NPFFR2: variants seen among roughly 807,000 people sequenced by gnomAD.
NPFFR2 encodes G-protein coupled receptor 74.
NPFFR2 carries 15 observed loss-of-function variants against 13.1 expected under a neutral mutation model. The ratio of observed to expected loss-of-function variants is 1.15; its 90% CI spans 0.77 to 1.76. The LOEUF is 1.76. NPFFR2 is among the 40% of genes most tolerant of loss of function. NPFFR2 has a pLI of 0.00. For missense variants in NPFFR2, 572 were observed against 503.5 expected (o/e 1.14, Z -1.30); for synonymous variants, 190 against 175.7 (o/e 1.08, Z -0.65).
intron 1 of NPFFR2, among the ~76,000 whole-genome samples, chr4:72,095,951 G>A (rs539193225): frequency 3.2e-4 from 48 of 152,252 alleles, no homozygotes; most frequent in African/African-American, 1.1e-3. Context: ...ATTTCTACCT[G>A]ATGTCTAGTG....
intron 1 of NPFFR2, among the ~76,000 whole-genome samples, 193 bp downstream of exon 1, chr4:72,032,393 G>A (rs1366251013): frequency 6.6e-6 from 1 of 152,208 alleles, no homozygotes; most frequent in East Asian, 1.9e-4. Flanking sequence ...TGCCCTGGAT[G>A]TCTGCACCAC....
Position 72,126,190 on chromosome 4 carries a change from C to T in NPFFR2, c.-7-2395C>T, listed in dbSNP as rs11940192. ...AACGTTATCTTGGATCATTTAACTACGGTAGAATCTGCCCAGTTTTTTCAC... is the reference window on the plus strand; with the variant it reads ...AACGTTATCTTGGATCATTTAACTATGGTAGAATCTGCCCAGTTTTTTCAC... On this transcript the variant is annotated intron_variant, in intron 1 of 3. Coordinates refer to ENST00000308744, the MANE Select transcript of NPFFR2 (RefSeq NM_004885.3). Among the ~76,000 whole-genome samples the T allele has an allele frequency of 9.5e-3, 1,448 of 152,230 alleles. 29 individuals are homozygous for T. The highest frequency in any genetic ancestry group is 0.033 in the African/African-American group (1,388 of 41,518).
intron 2 of NPFFR2, among the ~76,000 whole-genome samples, chr4:72,131,958 G>T (rs1046364427): frequency 7.2e-5 from 9 of 125,600 alleles, no homozygotes; most frequent in African/African-American, 2.8e-4. Context: ...AAAAAAGAGG[G>T]TGTACAAATT....
chr4:72,042,619 T>G (rs2109756733), intron 1 of NPFFR2, among the ~76,000 whole-genome samples: 1 of 152,252 alleles, frequency 6.6e-6, no homozygotes, highest in South Asian at 2.1e-4. Flanking sequence ...GATGAGGAAC[T>G]TGTTGGGAAC....
chr4:72,057,407 G>A (rs543687230), intron 1 of NPFFR2, among the ~76,000 whole-genome samples: 9 of 152,046 alleles, frequency 5.9e-5, no homozygotes, highest in Non-Finnish European at 7.4e-5. Flanking sequence ...AAAGATCTCC[G>A]AGAAAATTCT....
intron 1 of NPFFR2, among the ~76,000 whole-genome samples, chr4:72,063,387 G>T (rs1719975678): frequency 6.6e-6 from 1 of 152,122 alleles, no homozygotes; most frequent in Non-Finnish European, 1.5e-5. Flanking sequence ...AAGCAAACAA[G>T]GTAATTTGAA....
At chr4:72,116,048 A>G (rs944158075) in intron 1 of NPFFR2, among the ~76,000 whole-genome samples, 2 of 152,168 alleles carry the variant, frequency 1.3e-5, no homozygotes, top group Non-Finnish European at 2.9e-5. Flanking sequence ...TAAAATAAGA[A>G]TGAAAGGATG....
At chr4:72,145,927 CAAT>C (rs1384529231) in intron 3 of NPFFR2, among the ~76,000 whole-genome samples, 2 of 151,984 alleles carry the variant, frequency 1.3e-5, no homozygotes, top group Non-Finnish European at 2.9e-5. Context: ...TAATGAAATT[CAAT>C]AATAATAACA....
chr4:72,088,402 AATT>A (rs767950870), intron 1 of NPFFR2, among the ~76,000 whole-genome samples: 51 of 152,170 alleles, frequency 3.4e-4, no homozygotes, highest in Non-Finnish European at 5.3e-4. Context: ...ATTTTAAAAA[AATT>A]ATTCAAAGTA....
chr4:72,081,315 C>T (rs1375372396), intron 1 of NPFFR2, among the ~76,000 whole-genome samples: 2 of 152,116 alleles, frequency 1.3e-5, no homozygotes, highest in Non-Finnish European at 2.9e-5. Context: ...GGCCTGCAAA[C>T]CCAAAATATT....
chr4:72,058,750 C>T (rs1719835299), intron 1 of NPFFR2, among the ~76,000 whole-genome samples: 1 of 151,942 alleles, frequency 6.6e-6, no homozygotes, highest in Non-Finnish European at 1.5e-5. Context: ...ATTCTAGGGT[C>T]ACCAGGACTT....
At chr4:72,082,089 G>A (rs145219693) in intron 1 of NPFFR2, among the ~76,000 whole-genome samples, 250 of 152,270 alleles carry the variant, frequency 1.6e-3, no homozygotes, top group African/African-American at 5.6e-3. Flanking sequence ...AGACTTAACT[G>A]GCAAGAGACT....
chr4:72,047,984 C>T (rs1191474668), intron 1 of NPFFR2, among the ~76,000 whole-genome samples: 1 of 151,830 alleles, frequency 6.6e-6, no homozygotes, highest in Non-Finnish European at 1.5e-5. Flanking sequence ...AGATTTCCCC[C>T]ACTCAATCTC....
At chr4:72,075,629 C>T (rs1179873600) in intron 1 of NPFFR2, among the ~76,000 whole-genome samples, 1 of 151,994 alleles carries the variant, frequency 6.6e-6, no homozygotes, top group African/African-American at 2.4e-5. Flanking sequence ...CAATAGGATA[C>T]ACATTCTTCT....
chr4:72,139,466 T>A (rs1344456694), intron 3 of NPFFR2, among the ~76,000 whole-genome samples: 2 of 152,204 alleles, frequency 1.3e-5, no homozygotes, highest in African/African-American at 4.8e-5. Context: ...CAGTTTCAGC[T>A]TTCCACATAT....
intron 1 of NPFFR2, among the ~76,000 whole-genome samples, chr4:72,123,535 A>T (rs950073869): frequency 1.3e-5 from 2 of 152,210 alleles, no homozygotes; most frequent in Non-Finnish European, 2.9e-5. Flanking sequence ...GGCAAACCAA[A>T]TGAGGCAGCA....
chr4:72,118,552 C>T (rs1335013015), intron 1 of NPFFR2, among the ~76,000 whole-genome samples: 1 of 152,018 alleles, frequency 6.6e-6, no homozygotes, highest in African/African-American at 2.4e-5. Context: ...CAATTAGACT[C>T]CAGAGCCTGT....
At chr4:72,107,400 C>T (rs1167441398) in intron 1 of NPFFR2, among the ~76,000 whole-genome samples, 1 of 151,402 alleles carries the variant, frequency 6.6e-6, no homozygotes, top group African/African-American at 2.4e-5. Context: ...GGCTGTGTTG[C>T]TGACCTTCAC....
At chr4:72,055,399 G>C (rs1054232271) in intron 1 of NPFFR2, among the ~76,000 whole-genome samples, 10 of 151,930 alleles carry the variant, frequency 6.6e-5, no homozygotes, top group African/African-American at 2.4e-4. Context: ...GCATAAAATG[G>C]CAAAGGTAAT....
Sources: allele counts gnomAD v4.1 joint callset (sites outside exome capture counted in the v4.1 genomes callset), GRCh38; gene constraint gnomAD v4.1.1; transcripts MANE v1.5; gene names NCBI Gene and HGNC (gene_info 2026-07-23, HGNC 2026-07-21).